DDX23: variants seen among roughly 807,000 people sequenced by gnomAD.
DDX23 encodes the protein probable ATP-dependent RNA helicase DDX23.
A neutral mutation model predicts 102.7 loss-of-function variants in DDX23; 33 were observed. That is an observed-to-expected ratio of 0.32 (90% confidence interval 0.24 to 0.43). DDX23 has a LOEUF of 0.43. Among genes scored for constraint, DDX23 ranks in the 20% least tolerant of loss-of-function variants. The probability of loss-of-function intolerance (pLI) is 1.00; values close to 1 mark genes in which losing one functional copy is unlikely to be tolerated. For synonymous variants in DDX23, 352 were observed against 376.0 expected (o/e 0.94, Z 0.74); for missense variants, 549 against 1,086.6 (o/e 0.51, Z 6.96).
At position 48,836,057 on chromosome 12, in the gene DDX23, C is replaced by A. The variant is rs1249080972; in HGVS notation, c.1382+64G>T. The A allele has an allele frequency of 6.4e-7, 1 of 1,558,996 alleles. No individual in the cohort carries two copies. Among genetic ancestry groups the A allele is most frequent in the Non-Finnish European group, 8.8e-7 (1 of 1,137,942 alleles). Reference sequence around the variant, plus strand: ...AGACGTAAAACAAAAATCAAACATTCATTTGCCACTTTCACCTTTCCTACC... The same window carrying A: ...AGACGTAAAACAAAAATCAAACATTAATTTGCCACTTTCACCTTTCCTACC... On this transcript the variant is annotated intron_variant, in intron 11 of 16. Transcript: ENST00000308025. This position sits in a 1 kb window ranked among gnomAD's most constrained non-coding sequence, Gnocchi z 6.1.
intron 5 of DDX23, among the ~76,000 whole-genome samples, chr12:48,838,626 C>A (rs879467381): frequency 4.0e-5 from 6 of 150,810 alleles, no homozygotes; most frequent in Non-Finnish European, 8.8e-5. Context: ...CCGAGATGGG[C>A]GGATCACGAG....
rs1353461876 is a variant in DDX23, at chr12:48,832,826, C to CATGAGTCTTTGGA, written c.1804-266_1804-254dup. Reference sequence around the variant, plus strand: ...CTAGCACCTGTGGTCCCGGTAGCAGCATGAGTCTTTGGAATCGTTTTTCCA... The same window carrying CATGAGTCTTTGGA: ...CTAGCACCTGTGGTCCCGGTAGCAGCATGAGTCTTTGGAATGAGTCTTTGGAATCGTTTTTCCA... On this transcript the variant is annotated intron_variant, in intron 13 of 16. Coordinates refer to ENST00000308025, the MANE Select transcript of DDX23 (RefSeq NM_004818.3). The surrounding 1 kb of genome is among the most constrained non-coding windows in gnomAD (Gnocchi z 4.4). 3.7e-6 allele frequency: 2 copies of CATGAGTCTTTGGA among 534,154 alleles called. No homozygotes were observed. Among genetic ancestry groups the CATGAGTCTTTGGA allele is most frequent in the South Asian group, 5.0e-5 (2 of 40,190 alleles). The allele number at this position is 534,154 out of a possible 1,614,324, so 33.1% of individuals were successfully genotyped here. A position where few individuals can be genotyped will look rare whatever the true frequency, so the allele number is the denominator to read the frequency against.
At chr12:48,841,368 A>G (rs1030498507) in intron 3 of DDX23, among the ~76,000 whole-genome samples, 5 of 152,168 alleles carry the variant, frequency 3.3e-5, no homozygotes, top group African/African-American at 1.2e-4. Context: ...CCTGGGCAAC[A>G]GAACAAAAAC....
At chr12:48,842,426 GC>G (rs1280251788) in intron 3 of DDX23, among the ~76,000 whole-genome samples, 1 of 136,836 alleles carries the variant, frequency 7.3e-6, no homozygotes, top group Non-Finnish European at 1.6e-5. Context: ...CGCCCGGCCA[GC>G]CGCCCCATCC....
chr12:48,837,125 T>TC, intron 8 of DDX23, 88 bp from the exon 9 acceptor site: 1 of 1,581,054 alleles, frequency 6.3e-7, no homozygotes. Flanking sequence ...AAACAGTTCT[T>TC]CCCAGACAGG....
In DDX23 at chr12:48,836,642, T is replaced by C. The variant is rs370938311; in HGVS notation, c.1163A>G (p.Asn388Ser). ...SITTKGGKIP[N>S]PIRSWKDSSL... is the part of the protein sequence containing the mutation. ...AGAGTCTTTCCAGGATCGGATGGGATTGGGGATCTTGCCACCTTTGGTGGT... is the reference window on the plus strand; with the variant it reads ...AGAGTCTTTCCAGGATCGGATGGGACTGGGGATCTTGCCACCTTTGGTGGT... Residue 388 changes from asparagine to serine, a missense_variant, in exon 10 of 17, where the codon AAT becomes AGT. Coordinates refer to ENST00000308025, the MANE Select transcript of DDX23 (RefSeq NM_004818.3). The surrounding 1 kb of genome is among the most constrained non-coding windows in gnomAD (Gnocchi z 6.1). The C allele has an allele frequency of 7.4e-5, 119 of 1,614,094 alleles. No homozygotes were observed. Among genetic ancestry groups the C allele is most frequent in the Non-Finnish European group, 9.7e-5 (114 of 1,180,038 alleles).
rs1938405673 is a variant in DDX23, at chr12:48,832,499, C to T, written c.1878G>A (p.Val626=). ...GCTTGCCTGCGGAGCCAATGTACAC[C>T]ACAGCAGGTCGCCGAAGATAGCTCC... ...LARSYLRRPA[V]VYIGSAGKPH... The change falls in exon 14 of 17, where the codon GTG becomes GTA. Residue 626 remains valine (V), a synonymous_variant. Transcript: ENST00000308025. The surrounding 1 kb of genome is among the most constrained non-coding windows in gnomAD (Gnocchi z 4.4). 6.2e-7 allele frequency: 1 copy of T among 1,614,192 alleles called. No individual in the cohort carries two copies. Among genetic ancestry groups the T allele is most frequent in the Non-Finnish European group, 8.5e-7 (1 of 1,180,044 alleles).
At chr12:48,840,550 A>AT (rs747756955) in intron 3 of DDX23, among the ~76,000 whole-genome samples, 482 of 131,912 alleles carry the variant, frequency 3.7e-3, no homozygotes, top group South Asian at 0.01. Flanking sequence ...TTAGAGAAAA[A>AT]TTTTTTTTTT....
chr12:48,832,332 G>A lies in DDX23; in HGVS notation c.1955+90C>T. On this transcript the variant is annotated intron_variant, in intron 14 of 16. Transcript: ENST00000308025. The surrounding 1 kb of genome is among the most constrained non-coding windows in gnomAD (Gnocchi z 4.4). The stretch of plus-strand genomic sequence containing the variant: ...AACAGCAGCTCTTCAACACAGCAGA[G>A]CAATTGCCCTGCCCTGCACCTGCAC... 2 of 1,567,606 alleles carry A rather than the reference G, an allele frequency of 1.3e-6. No homozygotes were observed. Among genetic ancestry groups the A allele is most frequent in the Non-Finnish European group, 8.7e-7 (1 of 1,148,720 alleles).
intron 5 of DDX23, 155 bp downstream of exon 5, chr12:48,839,689 G>A (rs1938518924): frequency 4.3e-6 from 3 of 690,932 alleles, no homozygotes; most frequent in Non-Finnish European, 7.2e-6. Context: ...GCCAAGGAGA[G>A]AGACCTCAGA....
At chr12:48,845,187 C>T (rs887147903) in intron 2 of DDX23, among the ~76,000 whole-genome samples, 15 of 148,444 alleles carry the variant, frequency 1.0e-4, no homozygotes, top group African/African-American at 3.7e-4. Flanking sequence ...GGCGCGGTGG[C>T]TCACGCCTAT....
In DDX23 at chr12:48,832,200, G is replaced by T; in HGVS notation, c.1956-14C>A. ...AGCAGCTTTTTCCTGGAAGGAAGAG[G>T]AGAAAAACAAGATGCATAATACCTC... On this transcript the variant is annotated splice_polypyrimidine_tract_variant and intron_variant, in intron 14 of 16. Transcript: ENST00000308025. This position sits in a 1 kb window ranked among gnomAD's most constrained non-coding sequence, Gnocchi z 4.4. 1.2e-6 allele frequency: 2 copies of T among 1,613,672 alleles called. No individual in the cohort carries two copies. Among genetic ancestry groups the T allele is most frequent in the South Asian group, 2.2e-5 (2 of 91,068 alleles).
intron 1 of DDX23, among the ~76,000 whole-genome samples, chr12:48,846,929 G>T (rs1273602862): frequency 6.6e-6 from 1 of 152,142 alleles, no homozygotes; most frequent in African/African-American, 2.4e-5. Context: ...TAAAACTGCA[G>T]CAAGCCTGAA....
intron 1 of DDX23, among the ~76,000 whole-genome samples, chr12:48,847,927 T>C (rs1938694502): frequency 6.6e-6 from 1 of 152,200 alleles, no homozygotes; most frequent in Non-Finnish European, 1.5e-5. Context: ...TTTCAACAAA[T>C]ATTCACCGAG....
chr12:48,846,280 T>C (rs1365430558), intron 1 of DDX23, among the ~76,000 whole-genome samples: 8 of 152,244 alleles, frequency 5.3e-5, no homozygotes, highest in African/African-American at 1.9e-4. Context: ...TTTTTATATA[T>C]TCATTTCTAA....
intron 3 of DDX23, among the ~76,000 whole-genome samples, chr12:48,842,821 A>G (rs1414559505): frequency 4.6e-5 from 7 of 152,202 alleles, no homozygotes; most frequent in Admixed American, 6.5e-5. Flanking sequence ...TTGAGAACGG[A>G]CCATGATGAC....
At chr12:48,833,117 G>T (rs1938416044) in intron 13 of DDX23, among the ~76,000 whole-genome samples, 160 bp downstream of exon 13, 1 of 152,098 alleles carries the variant, frequency 6.6e-6, no homozygotes, top group South Asian at 2.1e-4. Context: ...CTGAGTGGCT[G>T]GCACCACAGG....
chr12:48,842,448 T>G (rs1409719321), intron 3 of DDX23, among the ~76,000 whole-genome samples: 19 of 69,732 alleles, frequency 2.7e-4, no homozygotes, highest in Admixed American at 7.9e-4. Flanking sequence ...GGGAGGGAGG[T>G]AGGGGGGTCA....
chr12:48,842,526 C>T (rs548945094), intron 3 of DDX23, among the ~76,000 whole-genome samples: 60 of 143,172 alleles, frequency 4.2e-4, no homozygotes, highest in African/African-American at 1.2e-3. Context: ...CCCGGCCAGC[C>T]GCCCCGTCCG....
Sources: gnomAD v4.1 joint callset for allele counts (sites outside exome capture counted in the v4.1 genomes callset) on GRCh38, gnomAD v4.1.1 for gene constraint, Gnocchi (gnomAD v3.1) non-coding constraint, MANE v1.5 for transcripts, NCBI Gene and HGNC (gene_info 2026-07-23, HGNC 2026-07-21) for gene names.